The following PCDHA6 variants were observed in gnomAD, a reference collection of about 807,000 sequenced individuals.
The protein encoded by PCDHA6 is protocadherin alpha 6.
In PCDHA6, 55 loss-of-function variants were observed where a neutral mutation model predicts 60.3. The observed-to-expected ratio is 0.91, with a 90% confidence interval of 0.73 to 1.14. The LOEUF (loss-of-function observed/expected upper bound fraction) is 1.14. Ranked by LOEUF, PCDHA6 falls within the 50% of genes most tolerant of loss-of-function variation. PCDHA6 has a pLI of 0.00. For synonymous variants in PCDHA6, 652 were observed against 557.9 expected (o/e 1.17, Z -2.38); for missense variants, 1,327 against 1,256.5 (o/e 1.06, Z -0.85).
chr5:140,849,671 C>T (rs2150444365), intron 1 of PCDHA6: 6 of 1,598,630 alleles, frequency 3.8e-6, no homozygotes, highest in Middle Eastern at 1.7e-4. Flanking sequence ...TGACGCCCCA[C>T]GTCCCCTTCA....
At chr5:140,863,032 G>T (rs781870887) in intron 1 of PCDHA6, 2 of 556,874 alleles carry the variant, frequency 3.6e-6, no homozygotes, top group East Asian at 9.4e-5. Context: ...CGCAACAGCT[G>T]CATCTGTCAG....
At chr5:140,916,714 G>C (rs1457405124) in intron 1 of PCDHA6, among the ~76,000 whole-genome samples, 1 of 152,172 alleles carries the variant, frequency 6.6e-6, no homozygotes, top group African/African-American at 2.4e-5. Context: ...CAGAAGGAAG[G>C]AGTGACTTTT....
chr5:140,845,528 T>G (rs1779913458), intron 1 of PCDHA6, among the ~76,000 whole-genome samples: 1 of 149,556 alleles, frequency 6.7e-6, no homozygotes, highest in African/African-American at 2.4e-5. Context: ...TTAATACTTT[T>G]CACTATTCTA....
intron 1 of PCDHA6, chr5:140,877,349 T>C (rs1554169631): frequency 1.2e-6 from 2 of 1,613,984 alleles, no homozygotes; most frequent in Admixed American, 3.3e-5. Context: ...CACGTGGGGC[T>C]GTACACTGGC....
chr5:140,888,494 T>C (rs1554183489), intron 1 of PCDHA6, among the ~76,000 whole-genome samples: 1 of 152,236 alleles, frequency 6.6e-6, no homozygotes, highest in Non-Finnish European at 1.5e-5. Context: ...GAAACTCTGC[T>C]TTAAAGAGTC....
intron 1 of PCDHA6, among the ~76,000 whole-genome samples, chr5:140,960,274 C>A (rs1291069063): frequency 6.6e-6 from 1 of 152,130 alleles, no homozygotes. Context: ...ATTCCGTCAC[C>A]TTTTTGGGAC....
intron 1 of PCDHA6, chr5:140,926,694 G>T: frequency 4.0e-6 from 3 of 746,722 alleles, no homozygotes; most frequent in Non-Finnish European, 5.8e-6. Flanking sequence ...TAGCAAGCCC[G>T]GCTCCCAGCT....
chr5:140,936,771 C>G (rs182480245), intron 1 of PCDHA6, among the ~76,000 whole-genome samples: 2 of 152,230 alleles, frequency 1.3e-5, no homozygotes, highest in South Asian at 4.1e-4. Flanking sequence ...TGTGTAAGTT[C>G]TCTCACTTTG....
At chr5:140,849,541 A>C in intron 1 of PCDHA6, 1 of 1,598,262 alleles carries the variant, frequency 6.3e-7, no homozygotes, top group Non-Finnish European at 8.6e-7. Flanking sequence ...AATGCTCCAC[A>C]GTTGACTATC....
rs200597765 is a variant in PCDHA6, at chr5:140,848,761, G to T, written c.2394+18276G>T. 1.1e-5 allele frequency: 18 copies of T among 1,593,344 alleles called. 1 individual carries two copies. The highest frequency in any genetic ancestry group is 1.0e-4 in the Admixed American group (6 of 59,114). On this transcript the variant is annotated intron_variant, in intron 1 of 3. Coordinates refer to ENST00000529310, the MANE Select transcript of PCDHA6 (RefSeq NM_018909.4). ...AATGGCATTTTGTTTGTGAATTCTCGGATCGACCGCGAGGAGCTGTGCGGG... is the reference window on the plus strand; with the variant it reads ...AATGGCATTTTGTTTGTGAATTCTCTGATCGACCGCGAGGAGCTGTGCGGG...
chr5:140,858,341 G>A, intron 1 of PCDHA6: 1 of 1,595,396 alleles, frequency 6.3e-7, no homozygotes, highest in Non-Finnish European at 8.6e-7. Context: ...CCTGCCCAAG[G>A]CGGACCTCAT....
chr5:140,829,181 C>A lies in PCDHA6; in HGVS notation c.1090C>A (p.Gln364Lys). Residue 364 changes from glutamine to lysine, a missense_variant, in exon 1 of 4, where the codon CAA becomes AAA. Gln to Lys is a moderately conservative substitution (Grantham distance 53, BLOSUM62 1). Transcript: ENST00000529310. ...SLSLPVREDA[Q>K]FGTVIALISV... Reference sequence around the variant, plus strand: ...ATCCTTGCCTGTACGTGAAGACGCTCAATTTGGTACTGTCATCGCCCTAAT... The same window carrying A: ...ATCCTTGCCTGTACGTGAAGACGCTAAATTTGGTACTGTCATCGCCCTAAT... 1 of 1,614,148 alleles carries A rather than the reference C, an allele frequency of 6.2e-7. No individual in the cohort carries two copies.
intron 1 of PCDHA6, chr5:140,884,170 G>A (rs1333457358): frequency 1.4e-5 from 23 of 1,613,294 alleles, no homozygotes; most frequent in Non-Finnish European, 1.9e-5. Flanking sequence ...TCAGCACGAC[G>A]CGCCCTCTGG....
intron 1 of PCDHA6, among the ~76,000 whole-genome samples, chr5:140,931,749 G>A (rs368438680): frequency 2.0e-5 from 3 of 151,878 alleles, no homozygotes; most frequent in East Asian, 3.9e-4. Context: ...ATTCACAAAG[G>A]CATTTGTTAT....
chr5:140,902,599 G>T (rs981296505), intron 1 of PCDHA6, among the ~76,000 whole-genome samples: 3 of 152,024 alleles, frequency 2.0e-5, no homozygotes, highest in African/African-American at 7.2e-5. Flanking sequence ...GAAACAGGTC[G>T]TTTTCAGTTA....
intron 1 of PCDHA6, among the ~76,000 whole-genome samples, chr5:140,941,916 A>G (rs191775899): frequency 2.8e-3 from 421 of 152,316 alleles, no homozygotes; most frequent in Middle Eastern, 6.8e-3. Flanking sequence ...GCTTTTATGT[A>G]TATCTTAAAA....
At chr5:140,911,985 A>C (rs1554195072) in intron 1 of PCDHA6, among the ~76,000 whole-genome samples, 2 of 152,204 alleles carry the variant, frequency 1.3e-5, no homozygotes, top group African/African-American at 4.8e-5. Flanking sequence ...CATGATCACA[A>C]GGTCCCACAA....
In PCDHA6 at chr5:140,877,407, C is replaced by G. The variant is rs1554169686; in HGVS notation, c.2394+46922C>G. The G allele has an allele frequency of 1.2e-6, 2 of 1,613,824 alleles. No individual in the cohort carries two copies. The highest frequency in any genetic ancestry group is 2.7e-5 in the African/African-American group (2 of 74,928). On this transcript the variant is annotated intron_variant, in intron 1 of 3. Coordinates refer to ENST00000529310, the MANE Select transcript of PCDHA6 (RefSeq NM_018909.4). ...TGGATGAGGCGGACGCTCCGCGCCA[C>G]CGCCTGCTGGTGCTGGTGAAGGACC...
rs2150325780 is a variant in PCDHA6 at position 140,841,933 on chromosome 5, C to A, written c.2394+11448C>A. 1.5e-5 allele frequency: 24 copies of A among 1,613,740 alleles called. 1 individual carries two copies. Among genetic ancestry groups the A allele is most frequent in the South Asian group, 4.4e-5 (4 of 91,086 alleles). ...TAAGAAAATCCTTGGACAGAGAGGA[C>A]GCTCCTGCGCACCACTTATTCCTGA... On this transcript the variant is annotated intron_variant, in intron 1 of 3. Transcript: ENST00000529310.
Sources: gnomAD v4.1 joint callset for allele counts (sites outside exome capture counted in the v4.1 genomes callset) on GRCh38, gnomAD v4.1.1 for gene constraint, MANE v1.5 for transcripts, NCBI Gene and HGNC (gene_info 2026-07-23, HGNC 2026-07-21) for gene names.